The following VPS13B variants were observed in gnomAD, a reference collection of about 807,000 sequenced individuals.
The protein encoded by VPS13B is vacuolar protein sorting 13 homolog B.
A neutral mutation model predicts 426.4 loss-of-function variants in VPS13B; 285 were observed. The observed-to-expected ratio is 0.67, with a 90% CI of 0.61 to 0.74. The LOEUF (loss-of-function observed/expected upper bound fraction) is 0.74, where lower values mean the gene tolerates loss of function less well. Ranked by LOEUF, VPS13B falls within the 30% of genes least tolerant of loss-of-function variation. The pLI, the probability that VPS13B is intolerant of heterozygous loss-of-function variation, is 0.00. For missense variants in VPS13B, 4,537 were observed against 4,782.6 expected (o/e 0.95, Z 1.51); for synonymous variants, 1,676 against 1,676.4 (o/e 1.00, Z 0.01).
chr8:99,410,721 A>G (rs1353313861), intron 21 of VPS13B, among the ~76,000 whole-genome samples: 2 of 151,550 alleles, frequency 1.3e-5, no homozygotes, highest in Admixed American at 1.3e-4. Flanking sequence ...CTAGCCTCCC[A>G]CCCCACGATG....
intron 14 of VPS13B, among the ~76,000 whole-genome samples, chr8:99,149,688 G>C (rs1810954510): frequency 6.6e-6 from 1 of 151,282 alleles, no homozygotes; most frequent in South Asian, 2.1e-4. Context: ...CCCAACTCCT[G>C]GGATGCGGAC....
intron 36 of VPS13B, 55 bp from the exon 37 acceptor site, chr8:99,717,116 C>T (rs1390223445): frequency 1.3e-6 from 2 of 1,513,566 alleles, no homozygotes; most frequent in East Asian, 4.6e-5. Context: ...AGTTCTTTCC[C>T]AAACATTTTT....
intron 19 of VPS13B, among the ~76,000 whole-genome samples, chr8:99,344,958 A>G (rs1283526964): frequency 6.6e-6 from 1 of 152,134 alleles, no homozygotes; most frequent in Non-Finnish European, 1.5e-5. Flanking sequence ...GATATTCTGC[A>G]TATTTTAAAA....
intron 17 of VPS13B, chr8:99,240,722 T>G (rs1588166531): frequency 6.5e-6 from 1 of 152,818 alleles, no homozygotes; most frequent in East Asian, 1.9e-4. Flanking sequence ...TTTCTCCAGC[T>G]ATTCTAACAA....
At chr8:99,091,677 T>A (rs1406085384) in intron 3 of VPS13B, 1 of 152,208 alleles carries the variant, frequency 6.6e-6, no homozygotes, top group African/African-American at 2.4e-5. Flanking sequence ...TACCTCTGAG[T>A]AAATGACTTT....
chr8:99,308,063 A>G (rs543934466), intron 19 of VPS13B, among the ~76,000 whole-genome samples: 1 of 152,180 alleles, frequency 6.6e-6, no homozygotes, highest in African/African-American at 2.4e-5. Context: ...CACAGTTTCC[A>G]AAGTTTCTGT....
intron 35 of VPS13B, among the ~76,000 whole-genome samples, chr8:99,686,983 A>G (rs1437332234): frequency 6.6e-6 from 1 of 152,004 alleles, no homozygotes; most frequent in Non-Finnish European, 1.5e-5. Flanking sequence ...TCAAACCAGC[A>G]TATCTTTGAG....
At chr8:99,718,103 AG>A (rs959355357) in intron 37 of VPS13B, among the ~76,000 whole-genome samples, 12 of 151,866 alleles carry the variant, frequency 7.9e-5, no homozygotes, top group African/African-American at 2.9e-4. Context: ...TTTTTGAGAC[AG>A]GGTCTTCCTC....
chr8:99,232,506 C>G (rs1816389035), intron 17 of VPS13B, among the ~76,000 whole-genome samples: 1 of 151,986 alleles, frequency 6.6e-6, no homozygotes, highest in Admixed American at 6.6e-5. Context: ...AGCCTGCTTT[C>G]TCTTTAAAAA....
intron 31 of VPS13B, among the ~76,000 whole-genome samples, chr8:99,557,372 C>A (rs573740530): frequency 6.6e-6 from 1 of 151,870 alleles, no homozygotes; most frequent in South Asian, 2.1e-4. Context: ...TTACCTCCCA[C>A]TTATAAGTGA....
intron 33 of VPS13B, among the ~76,000 whole-genome samples, chr8:99,611,658 T>C (rs1390018118): frequency 6.6e-6 from 1 of 152,026 alleles, no homozygotes; most frequent in Non-Finnish European, 1.5e-5. Context: ...ATTTTTACAC[T>C]CTAAGCAGTC....
chr8:99,732,734 C>T (rs1279581190), intron 39 of VPS13B, among the ~76,000 whole-genome samples: 1 of 152,134 alleles, frequency 6.6e-6, no homozygotes, highest in Non-Finnish European at 1.5e-5. Flanking sequence ...TCTGCCAAGG[C>T]AGAATTTGTA....
At chr8:99,647,239 TA>T (rs1239460140) in intron 34 of VPS13B, among the ~76,000 whole-genome samples, 2 of 152,094 alleles carry the variant, frequency 1.3e-5, no homozygotes, top group Admixed American at 6.6e-5. Context: ...AGAAATCATA[TA>T]AAAAAAGGAT....
intron 43 of VPS13B, among the ~76,000 whole-genome samples, chr8:99,798,606 A>C (rs1417122586): frequency 2.0e-5 from 3 of 152,182 alleles, no homozygotes; most frequent in Non-Finnish European, 4.4e-5. Flanking sequence ...GCAAGCCTGC[A>C]TGAAAGAGAA....
chr8:99,251,671 G>A (rs1195482874), intron 17 of VPS13B, among the ~76,000 whole-genome samples: 2 of 152,030 alleles, frequency 1.3e-5, no homozygotes, highest in Non-Finnish European at 2.9e-5. Flanking sequence ...TGGTATCAGG[G>A]TGATTCTAGC....
At chr8:99,190,999 C>A (rs978689742) in intron 16 of VPS13B, among the ~76,000 whole-genome samples, 2 of 151,790 alleles carry the variant, frequency 1.3e-5, no homozygotes, top group African/African-American at 4.8e-5. Flanking sequence ...TTCTTCCCAG[C>A]GTTTAGTCAT....
chr8:99,570,094 C>G (rs907336167), intron 31 of VPS13B, among the ~76,000 whole-genome samples: 3 of 152,122 alleles, frequency 2.0e-5, no homozygotes, highest in Admixed American at 6.5e-5. Context: ...ATGCTGTAAT[C>G]TGTTTTCTCC....
intron 30 of VPS13B, among the ~76,000 whole-genome samples, chr8:99,538,800 A>T (rs570011270): frequency 6.6e-6 from 1 of 152,294 alleles, no homozygotes; most frequent in Non-Finnish European, 1.5e-5. Context: ...TTCGCTAGCT[A>T]TTTGCTAGCT....
At chr8:99,700,395 A>G (rs926390514) in intron 36 of VPS13B, among the ~76,000 whole-genome samples, 2 of 152,378 alleles carry the variant, frequency 1.3e-5, no homozygotes, top group Non-Finnish European at 1.5e-5. Flanking sequence ...CTGTGCTTCA[A>G]CAAGCCCTAT....
Sources: gnomAD v4.1 joint callset for allele counts (sites outside exome capture counted in the v4.1 genomes callset) on GRCh38, gnomAD v4.1.1 for gene constraint, MANE v1.5 for transcripts, NCBI Gene and HGNC (gene_info 2026-07-23, HGNC 2026-07-21) for gene names.